The following NSD1 variants were observed in gnomAD, a reference collection of about 807,000 sequenced individuals.
The protein encoded by NSD1 is nuclear receptor binding SET domain protein 1, also known as histone-lysine N-methyltransferase, H3 lysine-36 specific.
A neutral mutation model predicts 242.7 loss-of-function variants in NSD1; 26 were observed. The ratio of observed to expected loss-of-function variants is 0.11; its 90% CI spans 0.08 to 0.15. The LOEUF (loss-of-function observed/expected upper bound fraction) is 0.15, where lower values mean the gene tolerates loss of function less well. Ranked by LOEUF, NSD1 falls within the 10% of genes least tolerant of loss-of-function variation. NSD1 has a pLI of 1.00. For missense variants in NSD1, 2,495 were observed against 3,272.8 expected (o/e 0.76, Z 5.80); for synonymous variants, 1,106 against 1,178.1 (o/e 0.94, Z 1.25).
chr5:177,142,634 G>A (rs1036529262), intron 2 of NSD1, among the ~76,000 whole-genome samples: 26 of 152,208 alleles, frequency 1.7e-4, no homozygotes, highest in African/African-American at 5.8e-4. Context: ...GTGCTGTATA[G>A]TTGAATGTTT....
At chr5:177,219,767 G>C (rs1010032259) in intron 5 of NSD1, among the ~76,000 whole-genome samples, 3 of 152,114 alleles carry the variant, frequency 2.0e-5, no homozygotes, top group African/African-American at 7.2e-5. Context: ...TTCAAGACCA[G>C]CATGGCCAAC....
chr5:177,199,267 T>A (rs1048583741), intron 3 of NSD1, among the ~76,000 whole-genome samples: 5 of 152,186 alleles, frequency 3.3e-5, no homozygotes, highest in East Asian at 1.9e-4. Context: ...AATTATTATT[T>A]TTTTTTTAGA....
At chr5:177,132,549 G>A (rs894606634), upstream of NSD1, among the ~76,000 whole-genome samples, 2 of 151,982 alleles carry the variant, frequency 1.3e-5, no homozygotes, top group Non-Finnish European at 2.9e-5. This position sits in a 1 kb window ranked among gnomAD's most constrained non-coding sequence, Gnocchi z 7.5. Flanking sequence ...GGGGTGGTGA[G>A]GGAGCTTCGT....
intron 2 of NSD1, among the ~76,000 whole-genome samples, chr5:177,143,960 T>G (rs1446112482): frequency 1.3e-5 from 2 of 151,982 alleles, no homozygotes; most frequent in Non-Finnish European, 2.9e-5. Flanking sequence ...TAATTTTGTG[T>G]TTTTAGTAGA....
intron 8 of NSD1, among the ~76,000 whole-genome samples, chr5:177,242,651 C>T (rs967795980): frequency 1.3e-5 from 2 of 151,964 alleles, no homozygotes; most frequent in Non-Finnish European, 2.9e-5. Context: ...CCCCAGCCTC[C>T]GAAGTAGCTG....
At chr5:177,239,895 A>G (rs1765721034) in intron 8 of NSD1, 30 bp downstream of exon 8, 1 of 1,364,816 alleles carries the variant, frequency 7.3e-7, no homozygotes, top group South Asian at 1.2e-5. Flanking sequence ...TCTAAAAGAA[A>G]TAAACTCAGG....
At position 177,292,014 on chromosome 5, in the gene NSD1, C is replaced by T. The variant is rs1321310131; in HGVS notation, c.6319C>T (p.Arg2107Cys). 1 of 1,614,034 alleles carries T rather than the reference C, an allele frequency of 6.2e-7. No homozygotes were observed. Among genetic ancestry groups the T allele is most frequent in the Non-Finnish European group, 8.5e-7 (1 of 1,179,976 alleles). Residue 2107 changes from arginine (R) to cysteine (C), a missense_variant, in exon 22 of 23, where the codon CGC becomes TGC. Physicochemically the swap from Arg to Cys is radical, Grantham distance 180. This residue lies in a region of NSD1 where 27 missense variants were observed against 33.4 expected (regional missense o/e 0.81). Transcript: ENST00000439151. ...KKFKKKQQGKRRTQGEITKER... is the reference protein window; with the variant it reads ...KKFKKKQQGKCRTQGEITKER... ...ATTCAAGAAGAAGCAACAGGGAAAGCGCAGGACCCAGGGTGAAATCACAAA... is the reference window on the plus strand; with the variant it reads ...ATTCAAGAAGAAGCAACAGGGAAAGTGCAGGACCCAGGGTGAAATCACAAA...
rs538293225 is a variant in NSD1, at chr5:177,161,494, T to A, written c.927+25464T>A. Among the ~76,000 whole-genome samples the A allele has an allele frequency of 4.6e-5, 7 of 152,036 alleles. No individual in the cohort carries two copies. The East Asian group carries it at 5.8e-4, about 13-fold the overall frequency. ...CCTATATTCTCCTATTTTTAAAAAATTTTTTTCTAAATAGAGATAGGGTCT... is the reference window on the plus strand; with the variant it reads ...CCTATATTCTCCTATTTTTAAAAAAATTTTTTCTAAATAGAGATAGGGTCT... On this transcript the variant is annotated intron_variant, in intron 2 of 22. Coordinates refer to ENST00000439151, the MANE Select transcript of NSD1 (RefSeq NM_022455.5).
In NSD1 at chr5:177,210,032, A is replaced by G. The variant is rs1462147062; in HGVS notation, c.1633A>G (p.Thr545Ala). 1.2e-6 allele frequency: 2 copies of G among 1,614,164 alleles called. No individual in the cohort carries two copies. The highest frequency in any genetic ancestry group is 2.2e-5 in the South Asian group (2 of 91,078). The change falls in exon 5 of 23, where the codon ACG becomes GCG. Residue 545 changes from threonine (T) to alanine (A), a missense_variant. Thr to Ala is a moderately conservative substitution (Grantham distance 58). This residue lies in a region of NSD1 where 515 missense variants were observed against 467.0 expected (regional missense o/e 1.10). Transcript: ENST00000439151. The part of the protein sequence containing the change: ...LNFISGDISD[T>A]QASNELSRIA... ...CTTTATCTCTGGGGATATATCTGAT[A>G]CGCAGGCCTCTAATGAACTTTCCAG...
rs749597751 is a variant in NSD1 at position 177,135,883 on chromosome 5, A to C, written c.780A>C (p.Leu260=). Residue 260 remains leucine (L), a synonymous_variant, in exon 2 of 23, where the codon CTA becomes CTC. Coordinates refer to ENST00000439151, the MANE Select transcript of NSD1 (RefSeq NM_022455.5). ...KAALLPAPFS[L]GDTNITIEEQ... Reference sequence around the variant, plus strand: ...CCCTTCTCCCAGCCCCCTTTTCACTAGGAGACACAAACATTACAATAGAAG... The same window carrying C: ...CCCTTCTCCCAGCCCCCTTTTCACTCGGAGACACAAACATTACAATAGAAG... 2 of 1,608,894 alleles carry C rather than the reference A, an allele frequency of 1.2e-6. No homozygotes were observed. The highest frequency in any genetic ancestry group is 2.2e-5 in the South Asian group (2 of 90,796).
rs1255725889 is a variant in NSD1 at position 177,211,836 on chromosome 5, A to G, written c.3437A>G (p.Asp1146Gly). The G allele has an allele frequency of 6.2e-7, 1 of 1,614,090 alleles. No individual in the cohort carries two copies. The highest frequency in any genetic ancestry group is 8.5e-7 in the Non-Finnish European group (1 of 1,180,040). ...ELDSVMNSEN[D>G]ELNGVNQVVP... ...GACTCTGTAATGAACAGTGAGAATGATGAACTCAATGGTGTAAATCAAGTG... is the reference window on the plus strand; with the variant it reads ...GACTCTGTAATGAACAGTGAGAATGGTGAACTCAATGGTGTAAATCAAGTG... The change falls in exon 5 of 23, where the codon GAT becomes GGT. Residue 1146 changes from aspartate to glycine, a missense_variant. Coordinates refer to ENST00000439151, the MANE Select transcript of NSD1 (RefSeq NM_022455.5).
chr5:177,208,221 A>G (rs1414845669), intron 4 of NSD1, among the ~76,000 whole-genome samples: 1 of 152,220 alleles, frequency 6.6e-6, no homozygotes, highest in Admixed American at 6.5e-5. Flanking sequence ...TCAGAGTCTC[A>G]ATGTTTTCAT....
intron 2 of NSD1, among the ~76,000 whole-genome samples, chr5:177,146,205 GTTTTT>G (rs34454786): frequency 8.7e-6 from 1 of 115,014 alleles, no homozygotes. Context: ...TTCACCAATC[GTTTTT>G]TTTTTTTTTT....
chr5:177,263,822 T>C (rs1295318370), intron 14 of NSD1, among the ~76,000 whole-genome samples: 1 of 152,136 alleles, frequency 6.6e-6, no homozygotes, highest in Non-Finnish European at 1.5e-5. Context: ...GCCTATCAAT[T>C]CAAGAAAAAG....
In NSD1 at chr5:177,135,663, C is replaced by G. The variant is rs747482816; in HGVS notation, c.560C>G (p.Thr187Ser). The change falls in exon 2 of 23, where the codon ACT becomes AGT. Residue 187 changes from threonine (T) to serine (S), a missense_variant. Physicochemically the swap from Thr to Ser is moderately conservative, Grantham distance 58. Around this residue, in one of 19 missense-constraint regions of NSD1, gnomAD observed 376 missense variants for 367.4 expected, o/e 1.02. Coordinates refer to ENST00000439151, the MANE Select transcript of NSD1 (RefSeq NM_022455.5). ...AGTATAGAGGAGATCTTTGAGGAAA[C>G]TCAGACCAATGCCACCTGCAATTAT... is the stretch of plus-strand genomic sequence containing the variant. Reference protein sequence around the residue: ...DESIEEIFEETQTNATCNYET... With the variant: ...DESIEEIFEESQTNATCNYET... The G allele has an allele frequency of 2.5e-6, 4 of 1,614,086 alleles. No individual in the cohort carries two copies. Among genetic ancestry groups the G allele is most frequent in the Non-Finnish European group, 3.4e-6 (4 of 1,180,054 alleles).
intron 8 of NSD1, among the ~76,000 whole-genome samples, chr5:177,243,265 A>C (rs1337399323): frequency 6.6e-6 from 1 of 151,938 alleles, no homozygotes; most frequent in South Asian, 2.1e-4. Flanking sequence ...GCTCAGTGCA[A>C]CCTCCGCCTC....
intron 16 of NSD1, among the ~76,000 whole-genome samples, chr5:177,270,816 A>G (rs1757889106): frequency 6.6e-6 from 1 of 152,204 alleles, no homozygotes; most frequent in Non-Finnish European, 1.5e-5. Context: ...TGTTTGCCAC[A>G]TGTTATTTTA....
At chr5:177,222,933 C>T (rs990865601) in intron 5 of NSD1, among the ~76,000 whole-genome samples, 5 of 151,962 alleles carry the variant, frequency 3.3e-5, no homozygotes, top group Admixed American at 6.6e-5. Flanking sequence ...TTGTGTAATT[C>T]TTGGTTATGA....
chr5:177,229,614 A>G (rs1018680885), intron 5 of NSD1, among the ~76,000 whole-genome samples: 1 of 152,210 alleles, frequency 6.6e-6, no homozygotes, highest in African/African-American at 2.4e-5. Context: ...TAGTAAGAGT[A>G]GGTGAATTCT....
Sources: allele counts gnomAD v4.1 joint callset (sites outside exome capture counted in the v4.1 genomes callset), GRCh38; gene constraint gnomAD v4.1.1; regional missense constraint gnomAD v4.1.1; non-coding constraint Gnocchi (gnomAD v3.1); transcripts MANE v1.5; gene names NCBI Gene and HGNC (gene_info 2026-07-23, HGNC 2026-07-21).